CSGALNACT1: variants seen among roughly 807,000 people sequenced by gnomAD.
The protein encoded by CSGALNACT1 is beta4GalNAcT-1.
CSGALNACT1 carries 52 observed loss-of-function variants against 51.0 expected under a neutral mutation model. The observed-to-expected ratio is 1.02, with a 90% CI of 0.82 to 1.29. CSGALNACT1 has a LOEUF of 1.29. CSGALNACT1 is among the 50% of genes most tolerant of loss of function. The pLI, the probability that CSGALNACT1 is intolerant of heterozygous loss-of-function variation, is 0.00. For missense variants in CSGALNACT1, 935 were observed against 679.2 expected (o/e 1.38, Z -4.19); for synonymous variants, 341 against 254.4 (o/e 1.34, Z -3.24).
At chr8:19,622,665 A>G (rs893669978) in intron 1 of CSGALNACT1, among the ~76,000 whole-genome samples, 1 of 152,208 alleles carries the variant, frequency 6.6e-6, no homozygotes, top group African/African-American at 2.4e-5. Context: ...ACTTTAAATT[A>G]GCCTTTAGTA....
At chr8:19,739,086 T>C (rs1415581781) in intron 1 of CSGALNACT1, among the ~76,000 whole-genome samples, 2 of 151,980 alleles carry the variant, frequency 1.3e-5, no homozygotes, top group Non-Finnish European at 2.9e-5. Context: ...GAAAACAGCA[T>C]GGTGGTTATG....
intron 1 of CSGALNACT1, among the ~76,000 whole-genome samples, chr8:19,642,675 A>C (rs1372733637): frequency 6.6e-6 from 1 of 151,872 alleles, no homozygotes; most frequent in Non-Finnish European, 1.5e-5. Context: ...AGTCCCAGCT[A>C]CTCGGGAGGC....
At chr8:19,703,881 C>T (rs2062011000) in intron 1 of CSGALNACT1, among the ~76,000 whole-genome samples, 1 of 152,120 alleles carries the variant, frequency 6.6e-6, no homozygotes. Flanking sequence ...ACTGGCTTTC[C>T]TCCCTTATCC....
At chr8:19,541,865 G>A (rs767979524) in intron 3 of CSGALNACT1, among the ~76,000 whole-genome samples, 3 of 151,932 alleles carry the variant, frequency 2.0e-5, no homozygotes, top group Admixed American at 1.3e-4. Context: ...AGAATGAAGG[G>A]CCACTGTTAA....
chr8:19,439,691 G>A (rs2060990113), intron 6 of CSGALNACT1, 139 bp downstream of exon 5: 1 of 734,308 alleles, frequency 1.4e-6, no homozygotes, highest in African/African-American at 1.7e-5. Context: ...ACTTTTCCCT[G>A]AACACAGCCA....
At position 19,656,892 on chromosome 8, in the gene CSGALNACT1, C is replaced by G. The variant is rs1316955159; in HGVS notation, c.-544+25581G>C. Among the ~76,000 whole-genome samples the G allele has an allele frequency of 3.3e-5, 5 of 151,682 alleles. No individual in the cohort carries two copies. The South Asian group carries it at 1.0e-3, about 32-fold the overall frequency. ...ACCAGCCTGGCCAACATGGTGAAAC[C>G]CTGTTTCTATTAAAAATACAAAAAT... On this transcript the variant is annotated intron_variant, in intron 1 of 9. Transcript: ENST00000332246.
chr8:19,619,768 G>T (rs921305918), intron 1 of CSGALNACT1, among the ~76,000 whole-genome samples: 2 of 152,170 alleles, frequency 1.3e-5, no homozygotes, highest in Admixed American at 1.3e-4. Context: ...TCCAAATACT[G>T]AATAAACATT....
At position 19,669,226 on chromosome 8, in the gene CSGALNACT1, G is replaced by C. The variant is rs73670907; in HGVS notation, c.-544+13247C>G. 9.7e-3 allele frequency among the ~76,000 whole-genome samples: 1,484 copies of C among 152,254 alleles called. 20 individuals are homozygous for C. The highest frequency in any genetic ancestry group is 0.033 in the African/African-American group (1,386 of 41,548). On this transcript the variant is annotated intron_variant, in intron 1 of 9. Coordinates refer to the CSGALNACT1 transcript ENST00000332246. The stretch of plus-strand genomic sequence containing the variant: ...AGTAGATTTGCAAATGCAAGCACTA[G>C]TCTAACCCAGCAGACATGCAACCAC...
chr8:19,737,676 G>C (rs1279021713), intron 1 of CSGALNACT1, among the ~76,000 whole-genome samples: 2 of 152,078 alleles, frequency 1.3e-5, no homozygotes, highest in East Asian at 3.8e-4. Flanking sequence ...GAATAAATAA[G>C]GCACATAAGT....
At chr8:19,494,589 C>G (rs1420069616) in intron 4 of CSGALNACT1, among the ~76,000 whole-genome samples, 1 of 152,216 alleles carries the variant, frequency 6.6e-6, no homozygotes, top group African/African-American at 2.4e-5. Flanking sequence ...ACAAAGAACA[C>G]TGAATATCCA....
intron 3 of CSGALNACT1, among the ~76,000 whole-genome samples, chr8:19,530,663 CG>C (rs1209450682): frequency 2.0e-5 from 3 of 151,938 alleles, no homozygotes; most frequent in Admixed American, 6.6e-5. Context: ...CCCAAGAGAT[CG>C]GGGCTATAGC....
At chr8:19,743,519 A>C (rs2154250765) in intron 1 of CSGALNACT1, among the ~76,000 whole-genome samples, 1 of 152,320 alleles carries the variant, frequency 6.6e-6, no homozygotes, top group Non-Finnish European at 1.5e-5. Flanking sequence ...CTTGCAGCTA[A>C]ATCAGCGATG....
At chr8:19,704,488 G>T (rs1317075561) in intron 1 of CSGALNACT1, among the ~76,000 whole-genome samples, 1 of 152,118 alleles carries the variant, frequency 6.6e-6, no homozygotes. Flanking sequence ...AGTGTAAATT[G>T]GTATAGCCAT....
At chr8:19,446,215 G>C (rs890307255) in intron 5 of CSGALNACT1, among the ~76,000 whole-genome samples, 1 of 152,118 alleles carries the variant, frequency 6.6e-6, no homozygotes, top group Non-Finnish European at 1.5e-5. Flanking sequence ...GCATGAGAAA[G>C]GAGGAAAATG....
intron 1 of CSGALNACT1, among the ~76,000 whole-genome samples, chr8:19,663,647 T>G (rs377653093): frequency 2.0e-5 from 3 of 152,106 alleles, no homozygotes; most frequent in East Asian, 1.9e-4. Context: ...TGATTACCAA[T>G]TGGGGAGGAA....
intron 3 of CSGALNACT1, among the ~76,000 whole-genome samples, chr8:19,515,570 G>A (rs1433520760): frequency 6.6e-6 from 1 of 152,106 alleles, no homozygotes; most frequent in Non-Finnish European, 1.5e-5. Context: ...AAATAACTAA[G>A]TAAAAGAATT....
chr8:19,493,030 T>C (rs926788265), intron 4 of CSGALNACT1, among the ~76,000 whole-genome samples: 4 of 149,158 alleles, frequency 2.7e-5, no homozygotes, highest in African/African-American at 9.9e-5. Context: ...ATCAATAAAT[T>C]CGATAGCTGC....
intron 4 of CSGALNACT1, among the ~76,000 whole-genome samples, chr8:19,471,673 G>C (rs537759780): frequency 1.3e-5 from 2 of 152,332 alleles, no homozygotes; most frequent in African/African-American, 4.8e-5. Context: ...GGTCCAGGTT[G>C]AGAGAGGAGC....
intron 1 of CSGALNACT1, among the ~76,000 whole-genome samples, chr8:19,692,913 C>T (rs1379308264): frequency 1.3e-5 from 2 of 152,188 alleles, no homozygotes; most frequent in African/African-American, 4.8e-5. Flanking sequence ...AGGGCACTGG[C>T]AGAAGCCTGG....
Sources: allele counts gnomAD v4.1 joint callset (sites outside exome capture counted in the v4.1 genomes callset), GRCh38; gene constraint gnomAD v4.1.1; transcripts MANE v1.5; gene names NCBI Gene and HGNC (gene_info 2026-07-23, HGNC 2026-07-21).